KCNMB2: variants seen among roughly 807,000 people sequenced by gnomAD.
The protein encoded by KCNMB2 is calcium-activated potassium channel subunit beta-2.
Under a neutral mutation model 24.5 loss-of-function variants are expected in KCNMB2, and 9 were observed. The observed-to-expected ratio is 0.37, with a 90% confidence interval of 0.22 to 0.64. The LOEUF is 0.64. Among genes scored for constraint, KCNMB2 ranks in the 30% least tolerant of loss-of-function variants. KCNMB2 has a pLI of 0.63. For missense variants in KCNMB2, 226 were observed against 284.3 expected, an observed-to-expected ratio of 0.79 and a Z score of 1.47; for synonymous variants, 109 against 104.4, an observed-to-expected ratio of 1.04 and a Z score of -0.27.
At chr3:178,593,429 A>G (rs1211095188) in intron 1 of KCNMB2, among the ~76,000 whole-genome samples, 1 of 152,100 alleles carries the variant, frequency 6.6e-6, no homozygotes, top group Non-Finnish European at 1.5e-5. Context: ...GCCAGAGAAT[A>G]CTGCATCAAA....
chr3:178,796,092 T>G (rs558141373), intron 1 of KCNMB2, among the ~76,000 whole-genome samples: 7 of 152,224 alleles, frequency 4.6e-5, no homozygotes, highest in African/African-American at 1.7e-4. Context: ...TATCTTATAT[T>G]ATAATGTAAA....
chr3:178,681,545 A>G (rs1301586249), intron 1 of KCNMB2, among the ~76,000 whole-genome samples: 1 of 152,240 alleles, frequency 6.6e-6, no homozygotes, highest in Non-Finnish European at 1.5e-5. Flanking sequence ...GGTTCTTACA[A>G]CAACCATGAA....
intron 1 of KCNMB2, among the ~76,000 whole-genome samples, chr3:178,750,001 C>T (rs1448405408): frequency 6.6e-6 from 1 of 152,178 alleles, no homozygotes; most frequent in Non-Finnish European, 1.5e-5. Context: ...CACAGTAGAA[C>T]TACAGGAGAG....
intron 1 of KCNMB2, among the ~76,000 whole-genome samples, chr3:178,637,858 T>C (rs981932910): frequency 3.3e-5 from 5 of 152,198 alleles, no homozygotes; most frequent in African/African-American, 9.7e-5. Flanking sequence ...TTCTATAAGA[T>C]AAATTCAAAC....
intron 1 of KCNMB2, among the ~76,000 whole-genome samples, chr3:178,621,029 T>A (rs1171733718): frequency 1.3e-5 from 2 of 152,158 alleles, no homozygotes; most frequent in African/African-American, 2.4e-5. Context: ...CTTTTGAAAG[T>A]TTTTTAGTAA....
chr3:178,558,273 G>A (rs986053945), intron 1 of KCNMB2, among the ~76,000 whole-genome samples: 1 of 152,124 alleles, frequency 6.6e-6, no homozygotes, highest in African/African-American at 2.4e-5. Context: ...CCAATGAAAG[G>A]CAAAAGGAAA....
intron 1 of KCNMB2, among the ~76,000 whole-genome samples, chr3:178,781,314 G>A (rs1299129733): frequency 1.3e-5 from 2 of 152,118 alleles, no homozygotes; most frequent in East Asian, 1.9e-4. Context: ...AATATATGAC[G>A]GGCACGGTGG....
At chr3:178,821,862 C>T (rs1714639737) in intron 2 of KCNMB2, among the ~76,000 whole-genome samples, 1 of 152,160 alleles carries the variant, frequency 6.6e-6, no homozygotes, top group South Asian at 2.1e-4. Context: ...CTCCATGTAT[C>T]GTTTCTTCTT....
chr3:178,768,900 T>C (rs1712232518), intron 1 of KCNMB2, among the ~76,000 whole-genome samples: 1 of 152,226 alleles, frequency 6.6e-6, no homozygotes, highest in Non-Finnish European at 1.5e-5. Flanking sequence ...TTTCCTTTAG[T>C]TTCACATGAG....
intron 1 of KCNMB2, among the ~76,000 whole-genome samples, chr3:178,785,689 T>G (rs1290140934): frequency 6.6e-6 from 1 of 152,116 alleles, no homozygotes; most frequent in Non-Finnish European, 1.5e-5. Flanking sequence ...TTTACACATG[T>G]GTTCAGTTTG....
rs59754929 is a variant in KCNMB2, at chr3:178,778,763, G to A, written c.-67-28580G>A. On this transcript the variant is annotated intron_variant, in intron 1 of 4. Coordinates refer to ENST00000452583, the MANE Select transcript of KCNMB2 (RefSeq NM_181361.3). The stretch of plus-strand genomic sequence containing the variant: ...CTGTAGCACCAACACCCTCCAACCC[G>A]ACTCCTGGCACCTGGCCACTGGGCG... Among the ~76,000 whole-genome samples, 350 of 152,230 alleles carry A rather than the reference G, an allele frequency of 2.3e-3. 9 individuals carry two copies. The East Asian group carries it at 0.051, about 22-fold the overall frequency.
At chr3:178,718,463 C>T (rs1201658047) in intron 1 of KCNMB2, among the ~76,000 whole-genome samples, 1 of 152,130 alleles carries the variant, frequency 6.6e-6, no homozygotes, top group Non-Finnish European at 1.5e-5. Context: ...GGTAGGCCTG[C>T]CTATAAGATC....
intron 4 of KCNMB2, among the ~76,000 whole-genome samples, chr3:178,829,614 TC>T (rs1395141375): frequency 1.3e-5 from 2 of 152,212 alleles, no homozygotes; most frequent in African/African-American, 4.8e-5. Flanking sequence ...TGCTTGTCTT[TC>T]AAGATCTTCC....
intron 1 of KCNMB2, among the ~76,000 whole-genome samples, chr3:178,797,193 C>T (rs1258196608): frequency 2.6e-5 from 4 of 152,002 alleles, no homozygotes; most frequent in African/African-American, 9.7e-5. Context: ...CAGAAAGGAA[C>T]TCAAAACCTG....
chr3:178,683,660 C>T (rs966459198), intron 1 of KCNMB2, among the ~76,000 whole-genome samples: 2 of 152,300 alleles, frequency 1.3e-5, no homozygotes, highest in Non-Finnish European at 2.9e-5. Context: ...TGTACCTAGT[C>T]GTTATTGCAT....
At chr3:178,819,165 C>G (rs1463622145) in intron 2 of KCNMB2, among the ~76,000 whole-genome samples, 1 of 152,170 alleles carries the variant, frequency 6.6e-6, no homozygotes, top group Admixed American at 6.5e-5. Context: ...CATCGATCCA[C>G]TGACTGTTCA....
chr3:178,760,371 A>T (rs1711784218), intron 1 of KCNMB2, among the ~76,000 whole-genome samples: 1 of 35,800 alleles, frequency 2.8e-5, no homozygotes, highest in Admixed American at 3.1e-4. Context: ...CATATCCAAG[A>T]TATATATATT....
At chr3:178,544,909 C>T (rs1238891993) in intron 1 of KCNMB2, among the ~76,000 whole-genome samples, 1 of 152,146 alleles carries the variant, frequency 6.6e-6, no homozygotes, top group African/African-American at 2.4e-5. Flanking sequence ...TAAGTATATA[C>T]AATAGGTTTT....
At chr3:178,712,799 G>A (rs9825195) in intron 1 of KCNMB2, among the ~76,000 whole-genome samples, 42,521 of 151,990 alleles carry the variant, frequency 0.28, 5,997 homozygotes, top group Middle Eastern at 0.38. Flanking sequence ...ATAATCTGGA[G>A]TTTTGAGTGG....
Sources: allele counts gnomAD v4.1 joint callset (sites outside exome capture counted in the v4.1 genomes callset), GRCh38; gene constraint gnomAD v4.1.1; transcripts MANE v1.5; gene names NCBI Gene and HGNC (gene_info 2026-07-23, HGNC 2026-07-21).